The following SFXN5 variants were observed in gnomAD, a reference collection of about 807,000 sequenced individuals.
SFXN5 encodes sideroflexin-5.
In SFXN5, 43 loss-of-function variants were observed where a neutral mutation model predicts 50.2. The observed-to-expected ratio is 0.86, with a 90% CI of 0.67 to 1.11. The LOEUF (loss-of-function observed/expected upper bound fraction) is 1.11. Among genes scored for constraint, SFXN5 ranks in the 50% least tolerant of loss-of-function variants. The pLI is 0.00. For missense variants in SFXN5, 463 were observed against 454.1 expected (o/e 1.02, Z -0.18); for synonymous variants, 203 against 185.8 (o/e 1.09, Z -0.75).
chr2:73,034,678 C>A (rs540705867), intron 3 of SFXN5, among the ~76,000 whole-genome samples: 8 of 152,236 alleles, frequency 5.3e-5, no homozygotes, highest in South Asian at 2.1e-4. Context: ...TTCCCAGTAA[C>A]CTGCTCCCCA....
intron 2 of SFXN5, chr2:73,053,489 C>A (rs561494722): frequency 6.5e-6 from 1 of 152,862 alleles, no homozygotes; most frequent in South Asian, 2.1e-4. Context: ...CTCTGTCAAG[C>A]AGGGCAACCT....
chr2:73,036,327 G>C (rs1678973206), intron 3 of SFXN5, among the ~76,000 whole-genome samples: 1 of 152,200 alleles, frequency 6.6e-6, no homozygotes, highest in African/African-American at 2.4e-5. Flanking sequence ...GTGAGAGCTG[G>C]TGCTGGGGGA....
At chr2:73,066,731 G>A (rs1683205037) in intron 1 of SFXN5, among the ~76,000 whole-genome samples, 1 of 151,212 alleles carries the variant, frequency 6.6e-6, no homozygotes, top group Non-Finnish European at 1.5e-5. Context: ...CAGGCATGGT[G>A]GCTCATGCCT....
At chr2:73,008,015 T>C (rs565301303) in intron 6 of SFXN5, among the ~76,000 whole-genome samples, 2 of 152,046 alleles carry the variant, frequency 1.3e-5, no homozygotes, top group East Asian at 3.9e-4. Context: ...GGGAGAACAT[T>C]GGGATTGGGA....
chr2:73,011,749 C>T (rs1374904248), intron 6 of SFXN5, among the ~76,000 whole-genome samples: 1 of 152,104 alleles, frequency 6.6e-6, no homozygotes, highest in African/African-American at 2.4e-5. Context: ...TTGGCAAAAA[C>T]GTTAAAAAGA....
At chr2:72,989,995 G>A (rs1420622569) in intron 9 of SFXN5, among the ~76,000 whole-genome samples, 1 of 152,248 alleles carries the variant, frequency 6.6e-6, no homozygotes, top group Non-Finnish European at 1.5e-5. Flanking sequence ...AATGTTGTGG[G>A]TGGTTGGGGA....
rs1458329807 is a variant in SFXN5 at position 72,961,212 on chromosome 2, G to T, written c.864C>A (p.Leu288=). 5 of 1,548,750 alleles carry T rather than the reference G, an allele frequency of 3.2e-6. No individual in the cohort carries two copies. In the South Asian group the frequency reaches 5.9e-5, roughly 18 times the overall value. ...ALLQARPRLL[L]PVQSLVCLAA... ...CCAGGCACACGAGGCTTTGCACAGG[G>T]AGGAGCAGCCGGGGGCGTGCCTGCA... Residue 288 remains leucine, a synonymous_variant, in exon 13 of 14, where the codon CTC becomes CTA. Transcript: ENST00000272433. The surrounding 1 kb of genome is among the most constrained non-coding windows in gnomAD (Gnocchi z 4.4).
At chr2:73,059,627 C>A in intron 1 of SFXN5, 7 of 872,080 alleles carry the variant, frequency 8.0e-6, no homozygotes, top group African/African-American at 1.9e-5. Flanking sequence ...ACCATGGCAC[C>A]CCTGCATGAA....
chr2:72,971,211 G>A (rs981228120), intron 11 of SFXN5, among the ~76,000 whole-genome samples: 1 of 152,164 alleles, frequency 6.6e-6, no homozygotes, highest in African/African-American at 2.4e-5. Flanking sequence ...CCAAGAGGAT[G>A]TGAAGGCCCG....
intron 6 of SFXN5, 42 bp downstream of exon 6, chr2:73,020,197 A>C (rs745340155): frequency 6.3e-7 from 1 of 1,589,304 alleles, no homozygotes; most frequent in South Asian, 1.1e-5. Context: ...GACATTTAAA[A>C]TAATTTTTTA....
rs1179011265 is a variant in SFXN5, at chr2:73,047,311, G to A, written c.172-6380C>T. ...ATATATATATATAAAATATATATGT[G>A]TGTGTATGTATATATATGTGTATAT... On this transcript the variant is annotated intron_variant, in intron 2 of 13. Transcript: ENST00000272433. Among the ~76,000 whole-genome samples, 220 of 75,318 alleles carry A rather than the reference G, an allele frequency of 2.9e-3. 4 individuals carry two copies. Among genetic ancestry groups the A allele is most frequent in the African/African-American group, 7.6e-3 (164 of 21,556 alleles). 49.4% of individuals were successfully genotyped at this position (75,318 alleles called of 152,430 possible). A position where few individuals can be genotyped will look rare whatever the true frequency, so the allele number is the denominator to read the frequency against.
At chr2:73,062,612 G>A (rs975373312) in intron 1 of SFXN5, among the ~76,000 whole-genome samples, 2 of 152,142 alleles carry the variant, frequency 1.3e-5, no homozygotes. Flanking sequence ...TTGCTCCACA[G>A]ACACCTACAA....
intron 1 of SFXN5, among the ~76,000 whole-genome samples, chr2:73,060,189 G>C (rs890583074): frequency 1.3e-5 from 2 of 152,140 alleles, no homozygotes; most frequent in African/African-American, 4.8e-5. Context: ...GGCTGGGGTA[G>C]GGAGGGTACA....
chr2:72,957,162 C>T (rs530862355), intron 13 of SFXN5: 6 of 440,718 alleles, frequency 1.4e-5, no homozygotes, highest in East Asian at 1.4e-4. Flanking sequence ...CTGAAGGTTC[C>T]GTATCTCCAG....
intron 1 of SFXN5, among the ~76,000 whole-genome samples, chr2:73,069,984 T>C (rs915270358): frequency 2.6e-5 from 4 of 152,244 alleles, no homozygotes; most frequent in African/African-American, 9.6e-5. Context: ...ACAGCAAACA[T>C]TTAGAAGACC....
At chr2:72,993,804 A>G (rs1400979626) in intron 9 of SFXN5, among the ~76,000 whole-genome samples, 1 of 152,136 alleles carries the variant, frequency 6.6e-6, no homozygotes, top group Non-Finnish European at 1.5e-5. Context: ...TACACCCTCC[A>G]CCACAGAGCC....
rs917393731 is a variant in SFXN5, at chr2:73,059,010, G to A, written c.103-414C>T. The A allele has an allele frequency of 2.9e-5, 29 of 985,294 alleles. No homozygotes were observed. In the Admixed American group the frequency reaches 6.4e-4, roughly 22 times the overall value. 61.0% of individuals were successfully genotyped at this position (985,294 alleles called of 1,614,324 possible). On this transcript the variant is annotated intron_variant, in intron 1 of 13. Coordinates refer to ENST00000272433, the MANE Select transcript of SFXN5 (RefSeq NM_144579.3). The stretch of plus-strand genomic sequence containing the variant: ...GAGTGACAAAGCATCCTGCCTACCC[G>A]CCACAGGGTCCCTCCCCAAGGTCCA...
chr2:72,965,021 C>A (rs1674207562), intron 12 of SFXN5, among the ~76,000 whole-genome samples: 1 of 152,208 alleles, frequency 6.6e-6, no homozygotes, highest in African/African-American at 2.4e-5. Flanking sequence ...TGTTTTCCTG[C>A]CCAAATGTTG....
intron 13 of SFXN5, among the ~76,000 whole-genome samples, chr2:72,951,487 A>T (rs1672530403): frequency 6.6e-6 from 1 of 152,048 alleles, no homozygotes. Flanking sequence ...TAGAGTCAGG[A>T]ATGCATTTGG....
Sources: allele counts gnomAD v4.1 joint callset (sites outside exome capture counted in the v4.1 genomes callset), GRCh38; gene constraint gnomAD v4.1.1; non-coding constraint Gnocchi (gnomAD v3.1); transcripts MANE v1.5; gene names NCBI Gene and HGNC (gene_info 2026-07-23, HGNC 2026-07-21).